The following SETX variants were observed in gnomAD, a reference collection of about 807,000 sequenced individuals.
SETX encodes the protein senataxin, also known as helicase senataxin.
A neutral mutation model predicts 227.2 loss-of-function variants in SETX; 90 were observed. The ratio of observed to expected loss-of-function variants is 0.40; its 90% CI spans 0.33 to 0.47. The LOEUF (loss-of-function observed/expected upper bound fraction) is 0.47, where lower values mean the gene tolerates loss of function less well. Ranked by LOEUF, SETX falls within the 20% of genes least tolerant of loss-of-function variation. SETX has a pLI of 0.91. For synonymous variants in SETX, 1,210 were observed against 1,113.2 expected (o/e 1.09, Z -1.73); for missense variants, 3,052 against 3,181.5 (o/e 0.96, Z 0.98).
chr9:132,271,676 C>G, intron 24 of SETX, 34 bp downstream of exon 24: 2 of 1,513,444 alleles, frequency 1.3e-6, no homozygotes, highest in Non-Finnish European at 1.8e-6. Context: ...ACAATGTATA[C>G]AAGTATAAAA....
chr9:132,326,613 T>A lies in SETX; in HGVS notation c.4985A>T (p.Gln1662Leu), dbSNP rs1253895514. Residue 1662 changes from glutamine to leucine, a missense_variant, in exon 10 of 26, where the codon CAG becomes CTG. Coordinates refer to ENST00000224140, the MANE Select transcript of SETX (RefSeq NM_015046.7). ...TTGCCTGTTGGAATTATTCGGAGAC[T>A]GAGGATGAAGAACATTGCACGAATT... Reference protein sequence around the residue: ...MKNSCNVLHPQSPNNSNRQGC... With the variant: ...MKNSCNVLHPLSPNNSNRQGC... The A allele has an allele frequency of 6.2e-7, 1 of 1,614,124 alleles. No individual in the cohort carries two copies. The highest frequency in any genetic ancestry group is 1.1e-5 in the South Asian group (1 of 91,090).
intron 1 of SETX, among the ~76,000 whole-genome samples, chr9:132,354,270 G>A (rs976302202): frequency 6.6e-6 from 1 of 152,082 alleles, no homozygotes; most frequent in African/African-American, 2.4e-5. Flanking sequence ...GCGGCGGCTC[G>A]GAGGATCCCT....
chr9:132,268,458 G>A (rs1057436849), intron 25 of SETX, among the ~76,000 whole-genome samples: 1 of 152,218 alleles, frequency 6.6e-6, no homozygotes, highest in African/African-American at 2.4e-5. Flanking sequence ...CTGTGATTGT[G>A]CCACTGCACT....
At chr9:132,335,880 T>A (rs1471937482) in intron 6 of SETX, among the ~76,000 whole-genome samples, 1 of 152,190 alleles carries the variant, frequency 6.6e-6, no homozygotes, top group Non-Finnish European at 1.5e-5. Flanking sequence ...AACTGAGAAC[T>A]ATAAAATCCT....
chr9:132,339,691 C>A (rs185194464), intron 5 of SETX, among the ~76,000 whole-genome samples: 2 of 152,168 alleles, frequency 1.3e-5, no homozygotes, highest in African/African-American at 4.8e-5. Flanking sequence ...CGGCTCACTG[C>A]AACCCCTGCA....
At chr9:132,297,136 C>T (rs554765333) in intron 13 of SETX, 82 bp from the exon 14 acceptor site, 2 of 1,240,070 alleles carry the variant, frequency 1.6e-6, no homozygotes, top group African/African-American at 3.0e-5. Context: ...AAGACCTGTC[C>T]AAATTTCTTT....
At chr9:132,290,574 CAAAAAAA>C (rs59954158) in intron 15 of SETX, among the ~76,000 whole-genome samples, 33 of 44,714 alleles carry the variant, frequency 7.4e-4, no homozygotes, top group Middle Eastern at 0.015. Context: ...GACTCCGTCT[CAAAAAAA>C]AAAAAAAAAA....
At chr9:132,351,770 A>C (rs1848616960) in intron 2 of SETX, among the ~76,000 whole-genome samples, 1 of 152,228 alleles carries the variant, frequency 6.6e-6, no homozygotes, top group Non-Finnish European at 1.5e-5. Flanking sequence ...TTAAGCTTTT[A>C]TACAACTCAG....
chr9:132,327,381 G>C lies in SETX; in HGVS notation c.4217C>G (p.Ala1406Gly), dbSNP rs113856732. ...TATTAACTGTTTTCTGTTACTGTTG[G>C]CAAGTACCTCAGTTCCTCCTGTACA... ...YNCTGGTEVL[A>G]NSNRKQLIKC... The change falls in exon 10 of 26, where the codon GCC (alanine) becomes GGC (glycine). Residue 1406 changes from alanine (A) to glycine (G), a missense_variant. Physicochemically the swap from Ala to Gly is moderately conservative, Grantham distance 60 (BLOSUM62 0). Around this residue, in one of 10 missense-constraint regions of SETX, gnomAD observed 1,483 missense variants for 1,312.0 expected, o/e 1.13. Transcript: ENST00000224140. The C allele has an allele frequency of 5.0e-6, 8 of 1,614,174 alleles. No homozygotes were observed. The highest frequency in any genetic ancestry group is 4.0e-5 in the African/African-American group (3 of 75,054).
chr9:132,303,127 C>A (rs1292658254), intron 11 of SETX, among the ~76,000 whole-genome samples: 1 of 152,054 alleles, frequency 6.6e-6, no homozygotes, highest in Non-Finnish European at 1.5e-5. Flanking sequence ...AAGAAATCCT[C>A]CTGCCTCAGC....
chr9:132,287,924 A>G (rs945718722), intron 17 of SETX, among the ~76,000 whole-genome samples: 1 of 152,200 alleles, frequency 6.6e-6, no homozygotes, highest in South Asian at 2.1e-4. Context: ...CTGTAATCCC[A>G]GCACTTTGGG....
At chr9:132,277,030 T>A in intron 22 of SETX, 30 bp downstream of exon 22, 1 of 1,552,384 alleles carries the variant, frequency 6.4e-7, no homozygotes, top group Non-Finnish European at 8.9e-7. Flanking sequence ...TCTGGGACTA[T>A]CAGAGGACTG....
chr9:132,341,905 T>C (rs965437545), intron 5 of SETX, among the ~76,000 whole-genome samples: 1 of 152,190 alleles, frequency 6.6e-6, no homozygotes, highest in Admixed American at 6.5e-5. Flanking sequence ...CAGAAATAAG[T>C]TTTCCTTTGG....
At position 132,271,631 on chromosome 9, in the gene SETX, T is replaced by C. The variant is rs200498669; in HGVS notation, c.7199+79A>G. On this transcript the variant is annotated intron_variant, in intron 24 of 25. Coordinates refer to ENST00000224140, the MANE Select transcript of SETX (RefSeq NM_015046.7). ...AAAAGCAAATGGTGTTCTCTAACAG[T>C]GATAATGAACCTAATCCTGAACTAT... 25 of 1,144,690 alleles carry C rather than the reference T, an allele frequency of 2.2e-5. No homozygotes were observed. In the East Asian group the frequency reaches 5.4e-4, roughly 25 times the overall value. The allele number at this position is 1,144,690 out of a possible 1,614,324, so 70.9% of individuals were successfully genotyped here. A position where few individuals can be genotyped will look rare whatever the true frequency, so the allele number is the denominator to read the frequency against.
intron 10 of SETX, among the ~76,000 whole-genome samples, chr9:132,323,482 G>A (rs1846499369): frequency 1.3e-5 from 2 of 152,112 alleles, no homozygotes; most frequent in South Asian, 2.1e-4. Context: ...CCCATAATGA[G>A]GGTGAGGGAA....
chr9:132,286,549 C>T, intron 17 of SETX, 55 bp from the exon 18 acceptor site: 2 of 1,186,718 alleles, frequency 1.7e-6, no homozygotes, highest in Non-Finnish European at 2.5e-6. Flanking sequence ...TTTTAAATGC[C>T]TTCCAATGGA....
In SETX at chr9:132,331,376, A is replaced by G. The variant is rs1847224416; in HGVS notation, c.911T>C (p.Val304Ala). Residue 304 changes from valine to alanine, a missense_variant, in exon 8 of 26, where the codon GTC (valine) becomes GCC (alanine). Val to Ala is a moderately conservative substitution (Grantham distance 64). Transcript: ENST00000224140. ...AATAGGATCCATAAGTTGACCCCAG[A>G]CCTTAGATCCAAGGCGATCCAGAAT... is the stretch of plus-strand genomic sequence containing the variant. ...MVILDRLGSK[V>A]WGQLMDPIVA... The G allele has an allele frequency of 6.2e-7, 1 of 1,614,108 alleles. No individual in the cohort carries two copies. The highest frequency in any genetic ancestry group is 8.5e-7 in the Non-Finnish European group (1 of 1,179,986).
rs536128445 is a variant in SETX at position 132,331,753 on chromosome 9, C to T, written c.839-305G>A. Among the ~76,000 whole-genome samples, 22 of 152,202 alleles carry T rather than the reference C, an allele frequency of 1.4e-4. No homozygotes were observed. The South Asian group carries it at 4.6e-3, about 32-fold the overall frequency. Reference sequence around the variant, plus strand: ...CTAGGTAAGCACAATCTTTTCACACCCTGTTTGCCATACCAGAAACAACCT... The same window carrying T: ...CTAGGTAAGCACAATCTTTTCACACTCTGTTTGCCATACCAGAAACAACCT... On this transcript the variant is annotated intron_variant, in intron 7 of 25. Coordinates refer to ENST00000224140, the MANE Select transcript of SETX (RefSeq NM_015046.7).
chr9:132,336,068 C>G (rs898393870), intron 6 of SETX, among the ~76,000 whole-genome samples: 1 of 152,030 alleles, frequency 6.6e-6, no homozygotes, highest in Non-Finnish European at 1.5e-5. Context: ...ATGGTGAAAC[C>G]CCGTCTCTAC....
Sources: allele counts gnomAD v4.1 joint callset (sites outside exome capture counted in the v4.1 genomes callset), GRCh38; gene constraint gnomAD v4.1.1; regional missense constraint gnomAD v4.1.1; transcripts MANE v1.5; gene names NCBI Gene and HGNC (gene_info 2026-07-23, HGNC 2026-07-21).